The following PLPPR4 variants were observed in gnomAD, a reference collection of about 807,000 sequenced individuals.
PLPPR4 encodes the protein phospholipid phosphatase-related protein type 4.
In PLPPR4, 24 loss-of-function variants were observed where a neutral mutation model predicts 56.6. The observed-to-expected ratio is 0.42, with a 90% CI of 0.31 to 0.60. PLPPR4 has a LOEUF of 0.60. Ranked by LOEUF, PLPPR4 falls within the 20% of genes least tolerant of loss-of-function variation. The pLI is 0.13. For synonymous variants in PLPPR4, 326 were observed against 328.1 expected, an observed-to-expected ratio of 0.99 and a Z score of 0.07; for missense variants, 654 against 885.8, an observed-to-expected ratio of 0.74 and a Z score of 3.32.
intron 1 of PLPPR4, among the ~76,000 whole-genome samples, chr1:99,266,286 T>C (rs1340538776): frequency 6.6e-6 from 1 of 152,152 alleles, no homozygotes; most frequent in African/African-American, 2.4e-5. Flanking sequence ...AATGGCTGAG[T>C]TCCATCTCCA....
At chr1:99,285,917 T>C (rs1659452140) in intron 1 of PLPPR4, among the ~76,000 whole-genome samples, 1 of 152,196 alleles carries the variant, frequency 6.6e-6, no homozygotes, top group South Asian at 2.1e-4. Context: ...TGTGATATTT[T>C]CTCTTTAGCT....
At chr1:99,266,453 C>G (rs148422312) in intron 1 of PLPPR4, among the ~76,000 whole-genome samples, 1 of 152,184 alleles carries the variant, frequency 6.6e-6, no homozygotes, top group Non-Finnish European at 1.5e-5. Context: ...CATCTTTAAC[C>G]GGAGTACATG....
In PLPPR4 at chr1:99,306,946, G is replaced by A. The variant is rs1447380206; in HGVS notation, c.2084G>A (p.Ser695Asn). 1.2e-6 allele frequency: 2 copies of A among 1,613,462 alleles called. No homozygotes were observed. Among genetic ancestry groups the A allele is most frequent in the East Asian group, 2.2e-5 (1 of 44,872 alleles). ...NIILIPERSN[S>N]PENTRNIFYK... The stretch of plus-strand genomic sequence containing the variant: ...ATTCTAATCCCTGAAAGAAGCAACA[G>A]CCCCGAAAACACTAGAAATATCTTC... Residue 695 changes from serine (S) to asparagine (N), a missense_variant, in exon 7 of 7, where the codon AGC (serine) becomes AAC (asparagine). Transcript: ENST00000370185. This position sits in a 1 kb window ranked among gnomAD's most constrained non-coding sequence, Gnocchi z 4.0.
chr1:99,279,274 G>T (rs1659265147), intron 1 of PLPPR4, among the ~76,000 whole-genome samples: 1 of 152,130 alleles, frequency 6.6e-6, no homozygotes, highest in South Asian at 2.1e-4. Flanking sequence ...TCTCTGTATG[G>T]TCAGAGAAAG....
chr1:99,298,931 G>A, intron 3 of PLPPR4, 104 bp from the exon 4 acceptor site: 2 of 837,458 alleles, frequency 2.4e-6, no homozygotes, highest in South Asian at 2.8e-5. Context: ...TAGAGAAAAT[G>A]AACACAATAG....
intron 1 of PLPPR4, among the ~76,000 whole-genome samples, chr1:99,275,564 G>A (rs556415597): frequency 2.0e-5 from 3 of 152,292 alleles, no homozygotes; most frequent in South Asian, 4.1e-4. Flanking sequence ...CTTAATTAAT[G>A]AATATAGGGA....
intron 1 of PLPPR4, among the ~76,000 whole-genome samples, chr1:99,272,599 G>A (rs1288144967): frequency 6.6e-6 from 1 of 152,032 alleles, no homozygotes; most frequent in Non-Finnish European, 1.5e-5. Flanking sequence ...AAATTGTTAG[G>A]CTCTTTGAAA....
intron 1 of PLPPR4, among the ~76,000 whole-genome samples, chr1:99,264,927 T>G (rs532637191): frequency 6.6e-6 from 1 of 151,920 alleles, no homozygotes; most frequent in African/African-American, 2.4e-5. Flanking sequence ...CCTGTGTGAG[T>G]GAGTGTGGTT....
chr1:99,284,142 T>G (rs1367619291), intron 1 of PLPPR4, among the ~76,000 whole-genome samples: 1 of 152,146 alleles, frequency 6.6e-6, no homozygotes, highest in Non-Finnish European at 1.5e-5. Flanking sequence ...GCATATCAAT[T>G]CTATATGTAT....
chr1:99,301,652 CTTTTA>C, intron 5 of PLPPR4, 67 bp from the exon 6 acceptor site: 3 of 1,115,492 alleles, frequency 2.7e-6, no homozygotes. Flanking sequence ...AGACTTTTAA[CTTTTA>C]TTTGATTATA....
intron 1 of PLPPR4, among the ~76,000 whole-genome samples, chr1:99,277,633 ATTC>A (rs1251165752): frequency 6.6e-6 from 1 of 152,068 alleles, no homozygotes; most frequent in Non-Finnish European, 1.5e-5. Context: ...TGATTTTGCC[ATTC>A]TTCTACTAAA....
intron 1 of PLPPR4, among the ~76,000 whole-genome samples, chr1:99,280,997 A>C (rs1659309495): frequency 6.6e-6 from 1 of 152,214 alleles, no homozygotes; most frequent in Admixed American, 6.5e-5. Context: ...ATTAGTTTGG[A>C]AACATTGTGG....
chr1:99,275,806 C>T (rs1205827640), intron 1 of PLPPR4, among the ~76,000 whole-genome samples: 1 of 152,090 alleles, frequency 6.6e-6, no homozygotes, highest in Non-Finnish European at 1.5e-5. Context: ...CTGCTCATTC[C>T]AAATCCCCCA....
intron 1 of PLPPR4, among the ~76,000 whole-genome samples, chr1:99,282,862 G>A (rs11166212): frequency 0.083 from 12,461 of 150,818 alleles, 986 homozygotes; most frequent in African/African-American, 0.2. Flanking sequence ...GATCTAAAAT[G>A]GGAATTCAGG....
rs1203728151 is a variant in PLPPR4 at position 99,308,666 on chromosome 1, A to C, written c.*1656A>C. 6.6e-6 allele frequency: 1 copy of C among 152,638 alleles called. No homozygotes were observed. Among genetic ancestry groups the C allele is most frequent in the African/African-American group, 2.4e-5 (1 of 41,454 alleles). The allele number at this position is 152,638 out of a possible 1,614,324, so 9.5% of individuals were successfully genotyped here. A position where few individuals can be genotyped will look rare whatever the true frequency, so the allele number is the denominator to read the frequency against. ...TAGTATCACATCATTATCAATTTCC[A>C]CATGAAAAAGGTGGAGCTTTCTAGA... is the stretch of plus-strand genomic sequence containing the variant. On this transcript the variant is annotated 3_prime_UTR_variant, in exon 7 of 7. Coordinates refer to ENST00000370185, the MANE Select transcript of PLPPR4 (RefSeq NM_014839.5).
At position 99,308,700 on chromosome 1, in the gene PLPPR4, C is replaced by A. The variant is rs1660109873; in HGVS notation, c.*1690C>A. ...AGGTGGAGCTTTCTAGAAAAACCAA[C>A]CTCTAAGGCATTAGGAATTTAGCTG... is the stretch of plus-strand genomic sequence containing the variant. On this transcript the variant is annotated 3_prime_UTR_variant, in exon 7 of 7. Transcript: ENST00000370185. The A allele has an allele frequency of 6.6e-6, 1 of 152,558 alleles. No individual in the cohort carries two copies. The allele number at this position is 152,558 out of a possible 1,614,324, so 9.5% of individuals were successfully genotyped here.
In PLPPR4 at chr1:99,306,318, G is replaced by A; in HGVS notation, c.1456G>A (p.Val486Met). The change falls in exon 7 of 7, where the codon GTG becomes ATG. Residue 486 changes from valine to methionine, a missense_variant. Around this residue, in one of 2 missense-constraint regions of PLPPR4, gnomAD observed 468 missense variants for 554.3 expected, o/e 0.84. Coordinates refer to ENST00000370185, the MANE Select transcript of PLPPR4 (RefSeq NM_014839.5). This position sits in a 1 kb window ranked among gnomAD's most constrained non-coding sequence, Gnocchi z 4.0. ...GTCCCGTCCTGGGTCCTCACAGTTGGTGCACATCCCTGAGGAGACTCAGGA... is the reference window on the plus strand; with the variant it reads ...GTCCCGTCCTGGGTCCTCACAGTTGATGCACATCCCTGAGGAGACTCAGGA... ...IQSRPGSSQL[V>M]HIPEETQENI... 1 of 1,614,156 alleles carries A rather than the reference G, an allele frequency of 6.2e-7. No homozygotes were observed. The highest frequency in any genetic ancestry group is 8.5e-7 in the Non-Finnish European group (1 of 1,180,026).
chr1:99,300,897 T>C lies in PLPPR4; in HGVS notation c.591-12T>C. The C allele has an allele frequency of 1.2e-6, 2 of 1,610,142 alleles. No homozygotes were observed. The highest frequency in any genetic ancestry group is 2.2e-5 in the South Asian group (2 of 90,904). ...AACTACAAGGCATAATTTGACTATCTTCTTTTGGCAGAAAGTCCTTCCCTT... is the reference window on the plus strand; with the variant it reads ...AACTACAAGGCATAATTTGACTATCCTCTTTTGGCAGAAAGTCCTTCCCTT... On this transcript the variant is annotated splice_polypyrimidine_tract_variant and intron_variant, in intron 4 of 6. Coordinates refer to ENST00000370185, the MANE Select transcript of PLPPR4 (RefSeq NM_014839.5).
chr1:99,266,736 T>C (rs986386591), intron 1 of PLPPR4, among the ~76,000 whole-genome samples: 1 of 152,314 alleles, frequency 6.6e-6, no homozygotes, highest in South Asian at 2.1e-4. Flanking sequence ...AGCCACACAA[T>C]TGGATTGCAA....
Sources: allele counts gnomAD v4.1 joint callset (sites outside exome capture counted in the v4.1 genomes callset), GRCh38; gene constraint gnomAD v4.1.1; regional missense constraint gnomAD v4.1.1; non-coding constraint Gnocchi (gnomAD v3.1); transcripts MANE v1.5; gene names NCBI Gene and HGNC (gene_info 2026-07-23, HGNC 2026-07-21).